The following PDZD8 variants were observed in gnomAD, a reference collection of about 807,000 sequenced individuals.
PDZD8 encodes PDZ domain containing 8.
PDZD8 carries 14 observed loss-of-function variants against 85.8 expected under a neutral mutation model. That is an observed-to-expected ratio of 0.16 (90% CI 0.11 to 0.26). The LOEUF is 0.26. PDZD8 is among the 10% of genes least tolerant of loss of function. PDZD8 has a pLI of 1.00. For missense variants in PDZD8, 1,197 were observed against 1,424.3 expected (o/e 0.84, Z 2.57); for synonymous variants, 592 against 568.6 (o/e 1.04, Z -0.59).
intron 3 of PDZD8, among the ~76,000 whole-genome samples, chr10:117,318,539 A>G (rs1211402144): frequency 5.3e-5 from 8 of 152,164 alleles, no homozygotes; most frequent in Non-Finnish European, 1.0e-4. Context: ...TATCTGTCCA[A>G]TGAATGAATA....
At chr10:117,354,155 T>G (rs574862118) in intron 1 of PDZD8, among the ~76,000 whole-genome samples, 1 of 152,324 alleles carries the variant, frequency 6.6e-6, no homozygotes, top group South Asian at 2.1e-4. Context: ...GTGTTCCTCA[T>G]TGGCCTGATT....
chr10:117,373,789 A>T (rs2133900115), intron 1 of PDZD8, among the ~76,000 whole-genome samples: 1 of 151,798 alleles, frequency 6.6e-6, no homozygotes, highest in Non-Finnish European at 1.5e-5. Flanking sequence ...CAAAAACAAA[A>T]ACAAAAAAAA....
chr10:117,310,427 A>T (rs1252407510), intron 3 of PDZD8, among the ~76,000 whole-genome samples: 2 of 152,148 alleles, frequency 1.3e-5, no homozygotes, highest in Non-Finnish European at 2.9e-5. Context: ...TCATACTCAT[A>T]GTGCCTTCCA....
chr10:117,331,110 T>C (rs989863014), intron 2 of PDZD8, among the ~76,000 whole-genome samples: 1 of 152,238 alleles, frequency 6.6e-6, no homozygotes, highest in Non-Finnish European at 1.5e-5. Flanking sequence ...CCTAACTACA[T>C]TTTAAGTTTC....
At chr10:117,370,690 C>T (rs931144836) in intron 1 of PDZD8, among the ~76,000 whole-genome samples, 3 of 152,102 alleles carry the variant, frequency 2.0e-5, no homozygotes, top group Admixed American at 2.0e-4. Context: ...TTTGGAAACA[C>T]AATTCTGCTC....
Position 117,350,378 on chromosome 10 carries a change from C to T in PDZD8, c.873-9276G>A, listed in dbSNP as rs1019980789. Among the ~76,000 whole-genome samples, 4 of 151,156 alleles carry T rather than the reference C, an allele frequency of 2.6e-5. No homozygotes were observed. In the East Asian group the frequency reaches 7.9e-4, roughly 30 times the overall value. On this transcript the variant is annotated intron_variant, in intron 1 of 4. Coordinates refer to ENST00000334464, the MANE Select transcript of PDZD8 (RefSeq NM_173791.5). ...CTCCCGGATTCAAGCTATTCTCCTG[C>T]CTCAGCCTCCCAAGTAGCTGGGATT...
chr10:117,344,010 C>A (rs1273519803), intron 1 of PDZD8, among the ~76,000 whole-genome samples: 1 of 152,170 alleles, frequency 6.6e-6, no homozygotes, highest in African/African-American at 2.4e-5. Flanking sequence ...CTTCAAAATC[C>A]ATTAGTCTTT....
intron 1 of PDZD8, among the ~76,000 whole-genome samples, chr10:117,372,206 C>T (rs1374846037): frequency 6.6e-6 from 1 of 152,166 alleles, no homozygotes; most frequent in East Asian, 1.9e-4. Context: ...TTTAATGCTT[C>T]ACATTTAGAA....
At chr10:117,298,412 AT>A (rs367726413) in intron 3 of PDZD8, among the ~76,000 whole-genome samples, 11 of 152,086 alleles carry the variant, frequency 7.2e-5, no homozygotes, top group African/African-American at 2.7e-4. Flanking sequence ...ATATGCATAC[AT>A]CATCATTTCT....
chr10:117,339,357 C>G lies in PDZD8; in HGVS notation c.995+1623G>C, dbSNP rs1157566203. 2.6e-5 allele frequency among the ~76,000 whole-genome samples: 4 copies of G among 152,118 alleles called. No individual in the cohort carries two copies. The South Asian group carries it at 8.3e-4, about 32-fold the overall frequency. On this transcript the variant is annotated intron_variant, in intron 2 of 4. Coordinates refer to ENST00000334464, the MANE Select transcript of PDZD8 (RefSeq NM_173791.5). ...ATAGTATACTTGTACTTGGAATGAT[C>G]AGGAGATACATTAAGAAGGTAGCTT...
intron 2 of PDZD8, among the ~76,000 whole-genome samples, chr10:117,332,834 T>C (rs1438507825): frequency 1.4e-5 from 2 of 147,316 alleles, no homozygotes; most frequent in Non-Finnish European, 3.0e-5. Context: ...AAAAAGGATA[T>C]GGGCCAGGCG....
At chr10:117,350,678 C>T (rs1377597801) in intron 1 of PDZD8, among the ~76,000 whole-genome samples, 3 of 151,426 alleles carry the variant, frequency 2.0e-5, no homozygotes, top group African/African-American at 4.8e-5. Context: ...CCGAGGCAGG[C>T]GGATCACAAA....
At chr10:117,333,517 C>T (rs895777345) in intron 2 of PDZD8, among the ~76,000 whole-genome samples, 35 of 152,150 alleles carry the variant, frequency 2.3e-4, no homozygotes, top group African/African-American at 8.2e-4. Flanking sequence ...TATTATTTAG[C>T]CTCATTTGCT....
chr10:117,300,661 G>A (rs1457864419), intron 3 of PDZD8, among the ~76,000 whole-genome samples: 1 of 152,192 alleles, frequency 6.6e-6, no homozygotes, highest in Admixed American at 6.5e-5. Context: ...CAATTTATAT[G>A]TTGAAATCCC....
At chr10:117,368,384 CCA>C (rs1379682002) in intron 1 of PDZD8, among the ~76,000 whole-genome samples, 3 of 151,990 alleles carry the variant, frequency 2.0e-5, no homozygotes, top group African/African-American at 7.3e-5. Context: ...TCTATTCTCC[CCA>C]AATATTAAAG....
intron 3 of PDZD8, among the ~76,000 whole-genome samples, chr10:117,309,024 C>G (rs1424551062): frequency 2.0e-5 from 3 of 152,078 alleles, no homozygotes; most frequent in Non-Finnish European, 4.4e-5. Flanking sequence ...TGTCCTAGTT[C>G]TGCATCCGTG....
intron 1 of PDZD8, among the ~76,000 whole-genome samples, chr10:117,359,335 G>A (rs7090219): frequency 0.11 from 16,027 of 151,978 alleles, 1,126 homozygotes; most frequent in East Asian, 0.34. Flanking sequence ...AGGATCACTT[G>A]AGCCCAGGCA....
At chr10:117,357,282 C>A (rs1004110043) in intron 1 of PDZD8, among the ~76,000 whole-genome samples, 6 of 152,040 alleles carry the variant, frequency 3.9e-5, no homozygotes, top group Admixed American at 1.3e-4. Context: ...GTAGTCTCAG[C>A]TACTTGGGAG....
intron 2 of PDZD8, among the ~76,000 whole-genome samples, chr10:117,332,235 T>C (rs11197957): frequency 0.11 from 16,078 of 152,184 alleles, 1,139 homozygotes; most frequent in East Asian, 0.34. Flanking sequence ...TTTTCCTTTA[T>C]ACAAATTTAA....
Sources: gnomAD v4.1 joint callset for allele counts (sites outside exome capture counted in the v4.1 genomes callset) on GRCh38, gnomAD v4.1.1 for gene constraint, MANE v1.5 for transcripts, NCBI Gene and HGNC (gene_info 2026-07-23, HGNC 2026-07-21) for gene names.